The following DOCK3 variants were observed in gnomAD, a reference collection of about 807,000 sequenced individuals.
The protein encoded by DOCK3 is dedicator of cytokinesis protein 3.
Under a neutral mutation model 265.6 loss-of-function variants are expected in DOCK3, and 60 were observed. That is an observed-to-expected ratio of 0.23 (90% CI 0.18 to 0.28). The LOEUF is 0.28. DOCK3 is among the 10% of genes least tolerant of loss of function. The probability of loss-of-function intolerance (pLI) is 1.00; values close to 1 mark genes in which losing one functional copy is unlikely to be tolerated. For missense variants in DOCK3, 1,981 were observed against 2,594.3 expected (o/e 0.76, Z 5.14); for synonymous variants, 881 against 938.0 (o/e 0.94, Z 1.11).
intron 14 of DOCK3, 29 bp downstream of exon 14, chr3:51,214,276 G>A (rs1241767305): frequency 6.2e-7 from 1 of 1,611,598 alleles, no homozygotes; most frequent in South Asian, 1.1e-5. Context: ...GGCTGGGAAG[G>A]AAGATGGGTT....
intron 33 of DOCK3, among the ~76,000 whole-genome samples, chr3:51,331,909 A>G (rs928003601): frequency 1.3e-5 from 2 of 152,234 alleles, no homozygotes; most frequent in African/African-American, 4.8e-5. Context: ...TCTAGGACAG[A>G]GACCTCTGTA....
chr3:50,681,191 A>G (rs2034379780), intron 1 of DOCK3, among the ~76,000 whole-genome samples: 1 of 152,234 alleles, frequency 6.6e-6, no homozygotes, highest in Admixed American at 6.5e-5. Flanking sequence ...TGATTTAGAA[A>G]CATTAAGCTA....
At chr3:50,701,757 GT>G (rs1252561104) in intron 1 of DOCK3, among the ~76,000 whole-genome samples, 1 of 152,104 alleles carries the variant, frequency 6.6e-6, no homozygotes, top group Non-Finnish European at 1.5e-5. Flanking sequence ...TGAGAGACAG[GT>G]GTCTAGTTTC....
chr3:50,730,890 G>A (rs891173534), intron 1 of DOCK3, among the ~76,000 whole-genome samples: 2 of 151,780 alleles, frequency 1.3e-5, no homozygotes, highest in Admixed American at 6.6e-5. Flanking sequence ...CAGCACTTTG[G>A]GAGGCCGAGG....
intron 20 of DOCK3, 117 bp from the exon 21 acceptor site, chr3:51,237,373 G>A (rs1183032543): frequency 1.3e-6 from 1 of 784,208 alleles, no homozygotes; most frequent in African/African-American, 1.8e-5. Context: ...CATGGGGAAT[G>A]CTAGAGGACA....
At chr3:51,078,458 A>G (rs2082125113) in intron 7 of DOCK3, among the ~76,000 whole-genome samples, 2 of 152,188 alleles carry the variant, frequency 1.3e-5, no homozygotes, top group Non-Finnish European at 2.9e-5. Context: ...GAACATGGAT[A>G]TGAGTCTCCA....
At chr3:51,284,976 C>T (rs896562271) in intron 27 of DOCK3, among the ~76,000 whole-genome samples, 1 of 152,156 alleles carries the variant, frequency 6.6e-6, no homozygotes, top group Non-Finnish European at 1.5e-5. Flanking sequence ...ATATAAATGC[C>T]CATGTTCAGC....
chr3:51,040,941 T>A (rs2080456194), intron 5 of DOCK3, among the ~76,000 whole-genome samples: 1 of 151,728 alleles, frequency 6.6e-6, no homozygotes, highest in African/African-American at 2.4e-5. Context: ...ATATCTGCAA[T>A]CACTTTCACC....
At chr3:50,896,969 C>T (rs2048924011) in intron 4 of DOCK3, among the ~76,000 whole-genome samples, 1 of 152,086 alleles carries the variant, frequency 6.6e-6, no homozygotes, top group Admixed American at 6.6e-5. Flanking sequence ...GCTATACGGG[C>T]TCTTTTGTGG....
chr3:51,380,320 C>A, intron 52 of DOCK3, 113 bp downstream of exon 52: 1 of 1,029,036 alleles, frequency 9.7e-7, no homozygotes, highest in South Asian at 1.7e-5. Flanking sequence ...TCACCTCTCT[C>A]CCCAGCCTGG....
intron 1 of DOCK3, among the ~76,000 whole-genome samples, chr3:50,751,095 A>G (rs2039771446): frequency 6.6e-6 from 1 of 152,246 alleles, no homozygotes; most frequent in Non-Finnish European, 1.5e-5. Context: ...GAAATAAGAA[A>G]AAGGGCATAA....
Position 50,841,681 on chromosome 3 carries a change from A to T in DOCK3, c.128A>T (p.Tyr43Phe), listed in dbSNP as rs1461479579. Residue 43 changes from tyrosine to phenylalanine, a missense_variant, in exon 3 of 53, where the codon TAC becomes TTC. Tyr to Phe is a conservative substitution (Grantham distance 22). Coordinates refer to ENST00000266037, the MANE Select transcript of DOCK3 (RefSeq NM_004947.5). ...VQILEKCEGWYRGVSTKKPNV... is the reference protein window; with the variant it reads ...VQILEKCEGWFRGVSTKKPNV... ...CTCTTATGCTTTGTTTTAGGTTGGT[A>T]CAGAGGAGTTTCAACAAAGAAGCCA... 2.3e-6 allele frequency: 3 copies of T among 1,299,210 alleles called. No individual in the cohort carries two copies. Among genetic ancestry groups the T allele is most frequent in the Non-Finnish European group, 3.0e-6 (3 of 992,282 alleles). 80.5% of individuals were successfully genotyped at this position (1,299,210 alleles called of 1,614,324 possible).
At chr3:51,067,456 T>TGC (rs756117389) in intron 6 of DOCK3, among the ~76,000 whole-genome samples, 47 of 150,334 alleles carry the variant, frequency 3.1e-4, no homozygotes, top group South Asian at 1.5e-3. Flanking sequence ...TGTGTGTGTG[T>TGC]GCGCGCGCGT....
chr3:50,688,658 T>C (rs1260082441), intron 1 of DOCK3, among the ~76,000 whole-genome samples: 1 of 152,186 alleles, frequency 6.6e-6, no homozygotes, highest in Non-Finnish European at 1.5e-5. Flanking sequence ...AGACAGAGTT[T>C]CACCATGTTG....
At chr3:50,790,036 T>G (rs2042384886) in intron 2 of DOCK3, among the ~76,000 whole-genome samples, 2 of 152,216 alleles carry the variant, frequency 1.3e-5, no homozygotes, top group South Asian at 4.1e-4. Flanking sequence ...CGTGGCCTAG[T>G]CCTTTCATCA....
intron 5 of DOCK3, among the ~76,000 whole-genome samples, chr3:51,056,050 G>T (rs2081190118): frequency 1.3e-5 from 2 of 152,042 alleles, no homozygotes; most frequent in Non-Finnish European, 2.9e-5. Context: ...AAGAGAAAAA[G>T]AATTTTCATA....
chr3:51,352,656 A>C (rs573616885), intron 40 of DOCK3, among the ~76,000 whole-genome samples: 1 of 152,362 alleles, frequency 6.6e-6, no homozygotes, highest in South Asian at 2.1e-4. Flanking sequence ...TAATTCATGC[A>C]TACAAATTTC....
chr3:51,242,831 C>A (rs1240032983), intron 21 of DOCK3, among the ~76,000 whole-genome samples: 1 of 152,072 alleles, frequency 6.6e-6, no homozygotes, highest in African/African-American at 2.4e-5. Flanking sequence ...GAAAGCAAAA[C>A]CTGCCAGTAC....
At chr3:50,749,521 T>A (rs2039654758) in intron 1 of DOCK3, among the ~76,000 whole-genome samples, 1 of 152,214 alleles carries the variant, frequency 6.6e-6, no homozygotes, top group African/African-American at 2.4e-5. Context: ...TAAGGATAGA[T>A]ATTTCTGTGA....
Sources: gnomAD v4.1 joint callset for allele counts (sites outside exome capture counted in the v4.1 genomes callset) on GRCh38, gnomAD v4.1.1 for gene constraint, MANE v1.5 for transcripts, NCBI Gene and HGNC (gene_info 2026-07-23, HGNC 2026-07-21) for gene names.